The following NARS1 variants were observed in gnomAD, a reference collection of about 807,000 sequenced individuals.
NARS1 encodes asparaginyl-tRNA synthetase 1, also known as asparagine--tRNA ligase, cytoplasmic.
A neutral mutation model predicts 79.2 loss-of-function variants in NARS1; 65 were observed. The ratio of observed to expected loss-of-function variants is 0.82; its 90% CI spans 0.67 to 1.01. NARS1 has a LOEUF of 1.01. Ranked by LOEUF, NARS1 falls within the 50% of genes least tolerant of loss-of-function variation. The pLI is 0.00. For synonymous variants in NARS1, 229 were observed against 238.8 expected, an observed-to-expected ratio of 0.96 and a Z score of 0.38; for missense variants, 649 against 673.8, an observed-to-expected ratio of 0.96 and a Z score of 0.41.
chr18:57,608,437 CAAAAAAAAAAA>C (rs1175712420), intron 7 of NARS1, among the ~76,000 whole-genome samples: 1 of 78,276 alleles, frequency 1.3e-5, no homozygotes, highest in Admixed American at 1.8e-4. Context: ...AACTCCGTCT[CAAAAAAAAAAA>C]AAAAAAAAAA....
chr18:57,607,127 T>C lies in NARS1; in HGVS notation c.1001+7A>G. On this transcript the variant is annotated splice_region_variant and intron_variant, in intron 9 of 13. Transcript: ENST00000256854. The stretch of plus-strand genomic sequence containing the variant: ...GAAAGAAATAAAACAAAAAGACAAC[T>C]TCATACTCAGCCAGGTGCCTTCGTG... 6.2e-7 allele frequency: 1 copy of C among 1,606,732 alleles called. No individual in the cohort carries two copies. The highest frequency in any genetic ancestry group is 8.5e-7 in the Non-Finnish European group (1 of 1,175,818).
chr18:57,605,748 A>T, intron 11 of NARS1, 109 bp downstream of exon 11: 1 of 724,196 alleles, frequency 1.4e-6, no homozygotes, highest in Non-Finnish European at 2.3e-6. Flanking sequence ...TGCTGTTACC[A>T]TTTATTTGAG....
intron 11 of NARS1, among the ~76,000 whole-genome samples, chr18:57,604,319 G>A (rs111876149): frequency 6.6e-4 from 101 of 152,210 alleles, no homozygotes; most frequent in African/African-American, 2.3e-3. Flanking sequence ...TCGGGAGGCC[G>A]AGGTGAGAGG....
At chr18:57,619,569 A>G (rs1056592089) in intron 2 of NARS1, among the ~76,000 whole-genome samples, 2 of 152,026 alleles carry the variant, frequency 1.3e-5, no homozygotes, top group African/African-American at 4.8e-5. Flanking sequence ...CTTATGTGGC[A>G]GTTATAGCCA....
intron 13 of NARS1, 38 bp from the exon 14 acceptor site, chr18:57,601,821 CTTAAG>C (rs751247168): frequency 5.0e-6 from 8 of 1,601,496 alleles, no homozygotes; most frequent in Admixed American, 1.7e-5. Context: ...GGAGTAAATA[CTTAAG>C]TTAAAACTTT....
rs1193857049 is a variant in NARS1 at position 57,601,256 on chromosome 18, G to C, written c.*396C>G. 2 of 154,222 alleles carry C rather than the reference G, an allele frequency of 1.3e-5. No homozygotes were observed. The highest frequency in any genetic ancestry group is 4.8e-5 in the African/African-American group (2 of 41,418). The allele number at this position is 154,222 out of a possible 1,614,324, so 9.6% of individuals were successfully genotyped here. A position where few individuals can be genotyped will look rare whatever the true frequency, so the allele number is the denominator to read the frequency against. ...CAATAAAATAAATCAAAGAATTCAA[G>C]GTACACTTAAAAGGACAGAAAGATA... On this transcript the variant is annotated 3_prime_UTR_variant, in exon 14 of 14. Transcript: ENST00000256854.
rs1169875984 is a variant in NARS1 at position 57,615,982 on chromosome 18, T to C, written c.94-7A>G. On this transcript the variant is annotated splice_polypyrimidine_tract_variant and splice_region_variant and intron_variant, in intron 2 of 13. Coordinates refer to ENST00000256854, the MANE Select transcript of NARS1 (RefSeq NM_004539.4). ...TCCCTACTGTCATCAAAGCCTTGGG[T>C]AGGGAGGAGAGAAAAGACAGTTCTT... 1 of 1,588,362 alleles carries C rather than the reference T, an allele frequency of 6.3e-7. No individual in the cohort carries two copies. The highest frequency in any genetic ancestry group is 1.4e-5 in the African/African-American group (1 of 73,420).
chr18:57,606,870 T>C, intron 9 of NARS1, 119 bp from the exon 10 acceptor site: 2 of 1,372,662 alleles, frequency 1.5e-6, no homozygotes. Flanking sequence ...AATTCCCAAC[T>C]TTGCAAATTA....
At position 57,616,307 on chromosome 18, in the gene NARS1, C is replaced by G. The variant is rs532468675; in HGVS notation, c.94-332G>C. Among the ~76,000 whole-genome samples, 13 of 152,086 alleles carry G rather than the reference C, an allele frequency of 8.5e-5. No homozygotes were observed. The South Asian group carries it at 2.7e-3, about 32-fold the overall frequency. On this transcript the variant is annotated intron_variant, in intron 2 of 13. Coordinates refer to ENST00000256854, the MANE Select transcript of NARS1 (RefSeq NM_004539.4). ...TGGTGGCAGGCACCTGTAGTCCCAGCTACTCGGGAGGCTGAGGCAGGAGAA... is the reference window on the plus strand; with the variant it reads ...TGGTGGCAGGCACCTGTAGTCCCAGGTACTCGGGAGGCTGAGGCAGGAGAA...
At chr18:57,605,322 C>A (rs2051544586) in intron 11 of NARS1, among the ~76,000 whole-genome samples, 1 of 151,620 alleles carries the variant, frequency 6.6e-6, no homozygotes, top group African/African-American at 2.4e-5. Flanking sequence ...TAGAAACTCA[C>A]ACTTGGCCAG....
intron 7 of NARS1, among the ~76,000 whole-genome samples, chr18:57,607,910 C>T (rs2051573101): frequency 6.6e-6 from 1 of 151,218 alleles, no homozygotes; most frequent in Non-Finnish European, 1.5e-5. Context: ...CTCTGTCGCC[C>T]AGGCTGGAGT....
In NARS1 at chr18:57,615,860, C is replaced by G. The variant is rs763603395; in HGVS notation, c.209G>C (p.Trp70Ser). 1 of 1,613,534 alleles carries G rather than the reference C, an allele frequency of 6.2e-7. No individual in the cohort carries two copies. The highest frequency in any genetic ancestry group is 8.5e-7 in the Non-Finnish European group (1 of 1,179,836). ...TTCACTCTTCATTTGTTCCCTATGC[C>G]ACATCTTTTTAATGTTCTTCAACTG... The part of the protein sequence containing the change: ...KSQLKNIKKM[W>S]HREQMKSESR... The change falls in exon 3 of 14, where the codon TGG (tryptophan) becomes TCG (serine). Residue 70 changes from tryptophan (W) to serine (S), a missense_variant. Trp to Ser is a radical substitution (Grantham distance 177, BLOSUM62 -3). Coordinates refer to ENST00000256854, the MANE Select transcript of NARS1 (RefSeq NM_004539.4).
At chr18:57,603,827 G>A (rs2051530939) in intron 11 of NARS1, among the ~76,000 whole-genome samples, 1 of 106,422 alleles carries the variant, frequency 9.4e-6, no homozygotes, top group Admixed American at 9.5e-5. Context: ...CTCTCAGCTT[G>A]CATCTGCTTT....
intron 2 of NARS1, among the ~76,000 whole-genome samples, chr18:57,617,323 A>G (rs1908088011): frequency 6.6e-6 from 1 of 152,100 alleles, no homozygotes; most frequent in East Asian, 1.9e-4. Context: ...CTGTAATCCC[A>G]GCACTTTGTG....
intron 11 of NARS1, among the ~76,000 whole-genome samples, chr18:57,605,149 A>G (rs533196429): frequency 9.5e-5 from 14 of 147,538 alleles, no homozygotes; most frequent in Non-Finnish European, 6.0e-5. Flanking sequence ...ATATATATAT[A>G]TATATCTATA....
rs2122429938 is a variant in NARS1, at chr18:57,607,170, C to A, written c.965G>T (p.Arg322Leu). Residue 322 changes from arginine (R) to leucine (L), a missense_variant, in exon 9 of 14, where the codon CGG becomes CTG. By Grantham distance (102) the Arg-to-Leu change is moderately radical. Transcript: ENST00000256854. The stretch of plus-strand genomic sequence containing the variant: ...CCTTCGTGTTCTGGACTGCTCTGCC[C>A]GGTATGACTGAGCAATACAAAAAAC... ...GDVFCIAQSY[R>L]AEQSRTRRHL... is the part of the protein sequence containing the mutation. 2 of 1,613,992 alleles carry A rather than the reference C, an allele frequency of 1.2e-6. No individual in the cohort carries two copies. The highest frequency in any genetic ancestry group is 1.1e-5 in the South Asian group (1 of 91,052).
Position 57,602,370 on chromosome 18 carries a change from G to C in NARS1, c.1500C>G (p.Tyr500Ter). 1 of 1,613,756 alleles carries C rather than the reference G, an allele frequency of 6.2e-7. No individual in the cohort carries two copies. Among genetic ancestry groups the C allele is most frequent in the Non-Finnish European group, 8.5e-7 (1 of 1,179,780 alleles). Residue 500 changes from tyrosine to a stop codon, truncating the protein, a stop_gained, in exon 13 of 14, where the codon TAC becomes TAG. Coordinates refer to ENST00000256854, the MANE Select transcript of NARS1 (RefSeq NM_004539.4). LOFTEE classifies it high-confidence loss of function. ...TTGGTTTTACCTGATCCGTATACCA[G>C]TAATAGGGAGTGGGGTCAATCCCTT... ...KREGIDPTPYYWYTDQRKYGT... is the reference protein window; with the variant it reads ...KREGIDPTPY
Position 57,615,952 on chromosome 18 carries a change from TTC to T in NARS1, c.115_116del (p.Glu39ThrfsTer14). On this transcript the variant is annotated frameshift_variant, in exon 3 of 14. Coordinates refer to ENST00000256854, the MANE Select transcript of NARS1 (RefSeq NM_004539.4). LOFTEE classifies it high-confidence loss of function. ...AATCTACGTAAATGGTAGGAAATGG[TTC>T]TTTCCCTACTGTCATCAAAGCCTTG... is the stretch of plus-strand genomic sequence containing the variant. ...GLKALMTVGKEPFPTIYVDSQ... is the reference protein window; with the variant it reads ...GLKALMTVGKXPFPTIYVDSQ... The T allele has an allele frequency of 6.2e-7, 1 of 1,611,238 alleles. No homozygotes were observed. The highest frequency in any genetic ancestry group is 8.5e-7 in the Non-Finnish European group (1 of 1,178,886).
chr18:57,614,480 G>A (rs1568165825), intron 4 of NARS1, among the ~76,000 whole-genome samples: 1 of 151,908 alleles, frequency 6.6e-6, no homozygotes, highest in African/African-American at 2.4e-5. Context: ...CAGCCTGGGT[G>A]ACAAGAGTGA....
Sources: gnomAD v4.1 joint callset for allele counts (sites outside exome capture counted in the v4.1 genomes callset) on GRCh38, gnomAD v4.1.1 for gene constraint, MANE v1.5 for transcripts, NCBI Gene and HGNC (gene_info 2026-07-23, HGNC 2026-07-21) for gene names.